Variants in CFAP299 observed in about 807,000 individuals in gnomAD.
CFAP299 encodes cilia and flagella associated protein 299, also known as cilia- and flagella-associated protein 299.
Under a neutral mutation model 27.0 loss-of-function variants are expected in CFAP299, and 21 were observed. The observed-to-expected ratio is 0.78, with a 90% CI of 0.55 to 1.12. The LOEUF (loss-of-function observed/expected upper bound fraction) is 1.12. Ranked by LOEUF, CFAP299 falls within the 50% of genes most tolerant of loss-of-function variation. The probability of loss-of-function intolerance (pLI) is 0.00; values close to 1 mark genes in which losing one functional copy is unlikely to be tolerated. For synonymous variants in CFAP299, 104 were observed against 98.1 expected, an observed-to-expected ratio of 1.06 and a Z score of -0.36; for missense variants, 310 against 276.6, an observed-to-expected ratio of 1.12 and a Z score of -0.86.
intron 4 of CFAP299, among the ~76,000 whole-genome samples, chr4:80,904,102 A>G (rs1735064847): frequency 6.6e-6 from 1 of 152,180 alleles, no homozygotes; most frequent in Non-Finnish European, 1.5e-5. Context: ...GGATTTAAAT[A>G]GAAGGTTTTC....
rs114730304 is a variant in CFAP299, at chr4:80,836,306, G to A, written c.334-33687G>A. Among the ~76,000 whole-genome samples the A allele has an allele frequency of 8.8e-3, 1,334 of 152,140 alleles. 9 individuals carry two copies. Among genetic ancestry groups the A allele is most frequent in the Middle Eastern group, 0.014 (4 of 294 alleles). ...ATAAAAAATTACCACAAAGTTAGCA[G>A]CTTAAAAAAAACACACTTTATTATC... On this transcript the variant is annotated intron_variant, in intron 3 of 5. Transcript: ENST00000358105.
chr4:80,375,508 A>G (rs1456021877), intron 2 of CFAP299, among the ~76,000 whole-genome samples: 1 of 152,178 alleles, frequency 6.6e-6, no homozygotes, highest in Non-Finnish European at 1.5e-5. Flanking sequence ...CAGAGAACTC[A>G]TGGTGAGTGA....
chr4:80,789,158 A>G (rs1236544288), intron 3 of CFAP299, among the ~76,000 whole-genome samples: 2 of 152,056 alleles, frequency 1.3e-5, no homozygotes, highest in Non-Finnish European at 2.9e-5. Flanking sequence ...AATAGAGGTG[A>G]ATAGCTGTTA....
At chr4:80,503,307 T>A (rs1560597651) in intron 2 of CFAP299, among the ~76,000 whole-genome samples, 2 of 151,886 alleles carry the variant, frequency 1.3e-5, no homozygotes, top group Non-Finnish European at 2.9e-5. Context: ...TATTCAAGAC[T>A]CTGATTTGTT....
At chr4:80,504,338 G>C (rs1908550) in intron 2 of CFAP299, among the ~76,000 whole-genome samples, 51,892 of 150,626 alleles carry the variant, frequency 0.34, 10,724 homozygotes, top group African/African-American at 0.58. Flanking sequence ...ACAAATAAGA[G>C]AGCTGCCATG....
intron 3 of CFAP299, among the ~76,000 whole-genome samples, chr4:80,616,616 G>A (rs114421158): frequency 0.012 from 1,877 of 151,902 alleles, 36 homozygotes; most frequent in African/African-American, 0.042. Flanking sequence ...GACAATGCTC[G>A]TCTCACTTCA....
chr4:80,678,598 C>T (rs1719628021), intron 3 of CFAP299, among the ~76,000 whole-genome samples: 1 of 151,986 alleles, frequency 6.6e-6, no homozygotes, highest in Non-Finnish European at 1.5e-5. Context: ...GTGGCTGAGT[C>T]AGAATTAAAA....
intron 3 of CFAP299, among the ~76,000 whole-genome samples, chr4:80,680,488 C>T (rs1719769485): frequency 6.6e-6 from 1 of 152,190 alleles, no homozygotes; most frequent in Non-Finnish European, 1.5e-5. Context: ...CCCAACGACA[C>T]ATCAGATTAA....
intron 1 of CFAP299, among the ~76,000 whole-genome samples, chr4:80,359,306 A>T (rs1274373927): frequency 1.3e-5 from 2 of 152,102 alleles, no homozygotes; most frequent in Non-Finnish European, 2.9e-5. Context: ...CTTGGAGATG[A>T]TCTTCTTGTG....
At chr4:80,429,842 A>G (rs1420169083) in intron 2 of CFAP299, among the ~76,000 whole-genome samples, 1 of 152,096 alleles carries the variant, frequency 6.6e-6, no homozygotes, top group African/African-American at 2.4e-5. Flanking sequence ...GTAATATGTC[A>G]TTGTTAAAAA....
rs183825647 is a variant in CFAP299, at chr4:80,925,445, G to A, written c.477-19365G>A. 5.9e-5 allele frequency among the ~76,000 whole-genome samples: 9 copies of A among 152,088 alleles called. No homozygotes were observed. The East Asian group carries it at 1.7e-3, about 29-fold the overall frequency. On this transcript the variant is annotated intron_variant, in intron 4 of 5. Coordinates refer to ENST00000358105, the MANE Select transcript of CFAP299 (RefSeq NM_152770.3). Reference sequence around the variant, plus strand: ...TGCTTCTGTCACACTGACCAAGAGAGTTATGCTTTGTAGGAGCAAAAAAAG... The same window carrying A: ...TGCTTCTGTCACACTGACCAAGAGAATTATGCTTTGTAGGAGCAAAAAAAG...
intron 3 of CFAP299, among the ~76,000 whole-genome samples, chr4:80,587,289 C>G (rs1022895219): frequency 6.6e-6 from 1 of 152,044 alleles, no homozygotes; most frequent in Admixed American, 6.6e-5. Flanking sequence ...TGTATATCAA[C>G]ATTTATTTCA....
chr4:80,356,619 T>C (rs920180198), intron 1 of CFAP299, among the ~76,000 whole-genome samples: 12 of 152,198 alleles, frequency 7.9e-5, no homozygotes, highest in African/African-American at 2.6e-4. Context: ...AGTACATTCC[T>C]AATTTGTCTC....
At chr4:80,653,723 G>T (rs550780585) in intron 3 of CFAP299, among the ~76,000 whole-genome samples, 2 of 152,196 alleles carry the variant, frequency 1.3e-5, no homozygotes, top group South Asian at 4.1e-4. Context: ...ATTAAAATGT[G>T]TTTGAAGCAT....
intron 3 of CFAP299, among the ~76,000 whole-genome samples, chr4:80,800,453 A>AATATAAT (rs1360400601): frequency 2.4e-5 from 1 of 41,424 alleles, no homozygotes; most frequent in Non-Finnish European, 3.6e-5. Context: ...TTGATATATT[A>AATATAAT]ATATAATATA....
intron 3 of CFAP299, among the ~76,000 whole-genome samples, chr4:80,859,453 A>G (rs921445293): frequency 1.3e-4 from 20 of 151,648 alleles, no homozygotes; most frequent in Non-Finnish European, 2.5e-4. Flanking sequence ...ACCTGTCGTT[A>G]TGATGTTAGC....
At chr4:80,791,858 A>G (rs1249235796) in intron 3 of CFAP299, among the ~76,000 whole-genome samples, 4 of 151,796 alleles carry the variant, frequency 2.6e-5, no homozygotes, top group Non-Finnish European at 5.9e-5. Flanking sequence ...ATATATACAT[A>G]TATATATCTG....
At chr4:80,649,844 C>T (rs544262416) in intron 3 of CFAP299, among the ~76,000 whole-genome samples, 64 of 152,130 alleles carry the variant, frequency 4.2e-4, no homozygotes, top group African/African-American at 1.5e-3. Context: ...TGTCATGTTT[C>T]AGTTTTATGT....
At chr4:80,673,889 A>G (rs1053394576) in intron 3 of CFAP299, among the ~76,000 whole-genome samples, 1 of 135,966 alleles carries the variant, frequency 7.4e-6, no homozygotes, top group African/African-American at 2.9e-5. Flanking sequence ...ATCTTCCTCC[A>G]TCCCTTTCTT....
Sources: allele counts gnomAD v4.1 joint callset (sites outside exome capture counted in the v4.1 genomes callset), GRCh38; gene constraint gnomAD v4.1.1; transcripts MANE v1.5; gene names NCBI Gene and HGNC (gene_info 2026-07-23, HGNC 2026-07-21).